The following PRR16 variants were observed in gnomAD, a reference collection of about 807,000 sequenced individuals.
PRR16 encodes the protein proline rich 16.
In PRR16, 6 loss-of-function variants were observed where a neutral mutation model predicts 18.2. That is an observed-to-expected ratio of 0.33 (90% CI 0.18 to 0.65). PRR16 has a LOEUF of 0.65. Ranked by LOEUF, PRR16 falls within the 30% of genes least tolerant of loss-of-function variation. The pLI is 0.74. For synonymous variants in PRR16, 151 were observed against 147.8 expected (o/e 1.02, Z -0.16); for missense variants, 412 against 376.6 (o/e 1.09, Z -0.78).
intron 1 of PRR16, among the ~76,000 whole-genome samples, chr5:120,567,659 G>T (rs1220372535): frequency 6.6e-6 from 1 of 152,056 alleles, no homozygotes; most frequent in Non-Finnish European, 1.5e-5. Context: ...CTGGTAATCA[G>T]ATCTGGTTGT....
chr5:120,667,573 C>T (rs1468101096), intron 1 of PRR16, among the ~76,000 whole-genome samples: 2 of 150,922 alleles, frequency 1.3e-5, no homozygotes, highest in Non-Finnish European at 3.0e-5. Flanking sequence ...ATTTTTCCTG[C>T]TTTCTCTTGT....
intron 1 of PRR16, among the ~76,000 whole-genome samples, chr5:120,596,450 G>A (rs1263715971): frequency 6.6e-6 from 1 of 151,430 alleles, no homozygotes; most frequent in Non-Finnish European, 1.5e-5. Flanking sequence ...TATGTATTTG[G>A]GGCCATTTAA....
At chr5:120,536,816 T>A (rs1751731920) in intron 1 of PRR16, among the ~76,000 whole-genome samples, 1 of 152,212 alleles carries the variant, frequency 6.6e-6, no homozygotes, top group African/African-American at 2.4e-5. Context: ...AATTATTTGA[T>A]TCAAATATAA....
chr5:120,482,432 C>A (rs1749650208), intron 1 of PRR16, among the ~76,000 whole-genome samples: 1 of 152,134 alleles, frequency 6.6e-6, no homozygotes, highest in Non-Finnish European at 1.5e-5. Context: ...CCTCCGGCTG[C>A]ATCCATGTTG....
At chr5:120,625,344 T>C (rs1183106692) in intron 1 of PRR16, among the ~76,000 whole-genome samples, 2 of 152,170 alleles carry the variant, frequency 1.3e-5, no homozygotes, top group Admixed American at 6.5e-5. Context: ...TGTTTTATTT[T>C]TTTGAGACAA....
At chr5:120,743,789 C>T in the PRR16 span, among the ~76,000 whole-genome samples, 2 of 152,000 alleles carry the variant, frequency 1.3e-5, no homozygotes, top group African/African-American at 2.4e-5. Flanking sequence ...ATAAACTTTG[C>T]CTAACTTTCA....
At chr5:120,653,272 T>C (rs1262302561) in intron 1 of PRR16, among the ~76,000 whole-genome samples, 7 of 151,898 alleles carry the variant, frequency 4.6e-5, no homozygotes, top group Admixed American at 1.3e-4. Context: ...ATTTTTATAT[T>C]TGTCTGTATA....
rs539042201 is a variant in PRR16 at position 120,579,705 on chromosome 5, T to C, written c.160-106249T>C. Among the ~76,000 whole-genome samples the C allele has an allele frequency of 9.8e-5, 15 of 152,298 alleles. No individual in the cohort carries two copies. In the South Asian group the frequency reaches 3.1e-3, roughly 32 times the overall value. Reference sequence around the variant, plus strand: ...CCAGCTCTGTTATTTTTGCTTAGGATTGTCTTGGCTGTATGGGGCCTTCTT... The same window carrying C: ...CCAGCTCTGTTATTTTTGCTTAGGACTGTCTTGGCTGTATGGGGCCTTCTT... On this transcript the variant is annotated intron_variant, in intron 1 of 1. Transcript: ENST00000407149.
At chr5:120,511,363 A>G (rs773456571) in intron 1 of PRR16, among the ~76,000 whole-genome samples, 23 of 152,240 alleles carry the variant, frequency 1.5e-4, no homozygotes, top group Non-Finnish European at 2.8e-4. Flanking sequence ...CATTTTCCAC[A>G]TTTTTCCAAA....
At chr5:120,699,120 G>A in the PRR16 span, among the ~76,000 whole-genome samples, 1 of 151,974 alleles carries the variant, frequency 6.6e-6, no homozygotes, top group Non-Finnish European at 1.5e-5. Context: ...CTGGGTGGGG[G>A]CAAATCCTCG....
At chr5:120,700,203 G>T in the PRR16 span, among the ~76,000 whole-genome samples, 86 of 152,254 alleles carry the variant, frequency 5.6e-4, no homozygotes, top group African/African-American at 1.9e-3. Flanking sequence ...AACTTGTAAG[G>T]CTTGTCTGGT....
At chr5:120,647,759 A>T (rs993936024) in intron 1 of PRR16, among the ~76,000 whole-genome samples, 2 of 152,200 alleles carry the variant, frequency 1.3e-5, no homozygotes, top group South Asian at 4.1e-4. Flanking sequence ...AGATCTTTGC[A>T]TAAGTATCCA....
chr5:120,464,342 G>A lies in PRR16; in HGVS notation c.-145G>A. ...CTGTGCGGCCGCCCGGCCGAGCGCG[G>A]AGCGCAGCCACTCGCCGCTGCCCAG... On this transcript the variant is annotated 5_prime_UTR_variant, in exon 1 of 2. Transcript: ENST00000407149. 1 of 864,794 alleles carries A rather than the reference G, an allele frequency of 1.2e-6. No individual in the cohort carries two copies. Among genetic ancestry groups the A allele is most frequent in the Non-Finnish European group, 1.6e-6 (1 of 622,110 alleles). 53.6% of individuals were successfully genotyped at this position (864,794 alleles called of 1,614,324 possible). A position where few individuals can be genotyped will look rare whatever the true frequency, so the allele number is the denominator to read the frequency against.
chr5:120,564,303 C>G (rs1316618712), intron 1 of PRR16, among the ~76,000 whole-genome samples: 1 of 152,038 alleles, frequency 6.6e-6, no homozygotes, highest in Non-Finnish European at 1.5e-5. Context: ...GCCTCTGAGC[C>G]CAGCCCAACA....
At chr5:120,487,397 C>A (rs1273533882) in intron 1 of PRR16, among the ~76,000 whole-genome samples, 1 of 152,116 alleles carries the variant, frequency 6.6e-6, no homozygotes, top group Non-Finnish European at 1.5e-5. Flanking sequence ...GTATTTTATT[C>A]TCTTTGAAGC....
downstream of PRR16, among the ~76,000 whole-genome samples, chr5:120,691,156 G>C (rs906123665): frequency 6.6e-6 from 1 of 152,120 alleles, no homozygotes; most frequent in African/African-American, 2.4e-5. Context: ...TTTGCCCCTT[G>C]GTAAGTGTTG....
At chr5:120,764,250 T>G in the PRR16 span, among the ~76,000 whole-genome samples, 5 of 152,132 alleles carry the variant, frequency 3.3e-5, no homozygotes, top group Admixed American at 1.3e-4. Context: ...CCTAGTTTGT[T>G]GAAAGTTTTT....
At chr5:120,617,608 A>T (rs1364665170) in intron 1 of PRR16, among the ~76,000 whole-genome samples, 1 of 152,186 alleles carries the variant, frequency 6.6e-6, no homozygotes, top group Non-Finnish European at 1.5e-5. Flanking sequence ...TTTTATTAAC[A>T]AAATCAGTTT....
At chr5:120,617,831 G>C (rs1280386295) in intron 1 of PRR16, among the ~76,000 whole-genome samples, 1 of 152,076 alleles carries the variant, frequency 6.6e-6, no homozygotes, top group Non-Finnish European at 1.5e-5. Flanking sequence ...GTGACCATAA[G>C]AACGATCATT....
Sources: gnomAD v4.1 joint callset for allele counts (sites outside exome capture counted in the v4.1 genomes callset) on GRCh38, gnomAD v4.1.1 for gene constraint, MANE v1.5 for transcripts, NCBI Gene and HGNC (gene_info 2026-07-23, HGNC 2026-07-21) for gene names.